The following ECE1 variants were observed in gnomAD, a reference collection of about 807,000 sequenced individuals.
ECE1 encodes endothelin-converting enzyme 1.
ECE1 carries 35 observed loss-of-function variants against 98.6 expected under a neutral mutation model. That is an observed-to-expected ratio of 0.35 (90% CI 0.27 to 0.47). The LOEUF (loss-of-function observed/expected upper bound fraction) is 0.47. Ranked by LOEUF, ECE1 falls within the 20% of genes least tolerant of loss-of-function variation. The pLI is 1.00. For missense variants in ECE1, 814 were observed against 1,025.3 expected (o/e 0.79, Z 2.81); for synonymous variants, 394 against 407.1 (o/e 0.97, Z 0.39).
intron 16 of ECE1, among the ~76,000 whole-genome samples, chr1:21,226,140 G>T (rs1283017918): frequency 1.3e-5 from 2 of 152,204 alleles, no homozygotes; most frequent in African/African-American, 4.8e-5. Flanking sequence ...AGTGCCCAAG[G>T]AAGGAGGCAA....
intron 1 of ECE1, among the ~76,000 whole-genome samples, chr1:21,336,797 C>T (rs969565119): frequency 2.0e-5 from 3 of 151,878 alleles, no homozygotes; most frequent in Non-Finnish European, 2.9e-5. Context: ...GAGCCGAGAT[C>T]GCGCCACTGC....
chr1:21,258,616 C>T lies in ECE1; in HGVS notation c.762+77G>A. 3 of 1,532,876 alleles carry T rather than the reference C, an allele frequency of 2.0e-6. No homozygotes were observed. Among genetic ancestry groups the T allele is most frequent in the Non-Finnish European group, 2.7e-6 (3 of 1,120,074 alleles). 95.0% of individuals were successfully genotyped at this position (1,532,876 alleles called of 1,614,324 possible). On this transcript the variant is annotated intron_variant, in intron 6 of 18. Coordinates refer to ENST00000374893, the MANE Select transcript of ECE1 (RefSeq NM_001397.3). The surrounding 1 kb of genome is among the most constrained non-coding windows in gnomAD (Gnocchi z 4.2). Reference sequence around the variant, plus strand: ...CCACCCAGGGCAAGCCCCTCTCCCACCCCAGGTCCTGCTAAACTCAAAACA... The same window carrying T: ...CCACCCAGGGCAAGCCCCTCTCCCATCCCAGGTCCTGCTAAACTCAAAACA...
intron 8 of ECE1, among the ~76,000 whole-genome samples, chr1:21,249,796 C>G (rs1268991299): frequency 6.6e-6 from 1 of 152,128 alleles, no homozygotes; most frequent in East Asian, 1.9e-4. Context: ...TGTTTTGAGA[C>G]ACAGTCTCAC....
intron 2 of ECE1, among the ~76,000 whole-genome samples, chr1:21,281,622 T>C (rs943711187): frequency 2.2e-4 from 34 of 152,186 alleles, no homozygotes; most frequent in African/African-American, 7.5e-4. Flanking sequence ...CTTCCTCCTT[T>C]AGGCTTCTCA....
intron 2 of ECE1, among the ~76,000 whole-genome samples, chr1:21,285,887 G>A (rs2098260002): frequency 6.6e-6 from 1 of 151,656 alleles, no homozygotes; most frequent in African/African-American, 2.4e-5. Flanking sequence ...AGCTACTGGG[G>A]AGGCTGAGGT....
intron 2 of ECE1, among the ~76,000 whole-genome samples, chr1:21,283,879 G>C (rs1490748775): frequency 1.3e-5 from 2 of 152,210 alleles, no homozygotes; most frequent in Non-Finnish European, 2.9e-5. Flanking sequence ...CCTTTGTCTT[G>C]TTCTTTGCTT....
intron 2 of ECE1, among the ~76,000 whole-genome samples, chr1:21,280,805 T>C (rs2098253571): frequency 6.6e-6 from 1 of 152,024 alleles, no homozygotes; most frequent in Non-Finnish European, 1.5e-5. Context: ...TGGTTAGGTA[T>C]TTACTGGGCA....
chr1:21,298,691 G>A (rs575239252), intron 1 of ECE1: 28 of 453,640 alleles, frequency 6.2e-5, no homozygotes, highest in Non-Finnish European at 9.8e-5. Flanking sequence ...GGAGTGCAGC[G>A]AGCATCAGTA....
At chr1:21,246,980 A>C (rs2098204568) in intron 9 of ECE1, among the ~76,000 whole-genome samples, 1 of 152,206 alleles carries the variant, frequency 6.6e-6, no homozygotes, top group Non-Finnish European at 1.5e-5. Flanking sequence ...TCACCATTTT[A>C]TGAAGGAGGA....
chr1:21,227,115 G>A (rs748647535), intron 16 of ECE1, 44 bp downstream of exon 16: 19 of 1,596,920 alleles, frequency 1.2e-5, no homozygotes, highest in East Asian at 2.2e-5. Context: ...CTTAAAGCAC[G>A]GAGATTACAG....
chr1:21,278,474 G>C (rs544203231), intron 3 of ECE1, among the ~76,000 whole-genome samples: 1 of 152,232 alleles, frequency 6.6e-6, no homozygotes, highest in Non-Finnish European at 1.5e-5. Context: ...GCTCTGGAGC[G>C]TACTTGGATT....
At chr1:21,283,915 C>T (rs2098257777) in intron 2 of ECE1, among the ~76,000 whole-genome samples, 1 of 152,202 alleles carries the variant, frequency 6.6e-6, no homozygotes, top group Non-Finnish European at 1.5e-5. Flanking sequence ...CTACGGGCCT[C>T]ATGGTTTCTG....
intron 14 of ECE1, among the ~76,000 whole-genome samples, chr1:21,231,824 G>A (rs929690402): frequency 6.6e-6 from 1 of 152,182 alleles, no homozygotes; most frequent in African/African-American, 2.4e-5. Flanking sequence ...ATGTTGCCCA[G>A]GCTGGTCTCA....
At chr1:21,304,175 G>A (rs1638546270) in intron 1 of ECE1, among the ~76,000 whole-genome samples, 1 of 151,500 alleles carries the variant, frequency 6.6e-6, no homozygotes, top group Non-Finnish European at 1.5e-5. Flanking sequence ...AATTAGCCAG[G>A]TGTGGTGGCG....
At chr1:21,285,689 CAA>C (rs11454934) in intron 2 of ECE1, among the ~76,000 whole-genome samples, 19 of 71,848 alleles carry the variant, frequency 2.6e-4, no homozygotes, top group Admixed American at 5.0e-4. Flanking sequence ...GACCCTGCCT[CAA>C]AAAAAAAAAA....
intron 4 of ECE1, 111 bp downstream of exon 4, chr1:21,272,588 G>A (rs1007274084): frequency 2.3e-5 from 31 of 1,334,436 alleles, no homozygotes; most frequent in South Asian, 1.5e-4. Flanking sequence ...CACCGTGCCC[G>A]GCCCATTCTG....
intron 8 of ECE1, among the ~76,000 whole-genome samples, chr1:21,247,892 T>C (rs28367996): frequency 7.2e-4 from 109 of 152,278 alleles, no homozygotes; most frequent in Non-Finnish European, 1.4e-3. Flanking sequence ...GTCTGAGAAG[T>C]GGGGATCACC....
chr1:21,316,443 A>G (rs778055084), intron 1 of ECE1, among the ~76,000 whole-genome samples: 1 of 128,086 alleles, frequency 7.8e-6, no homozygotes. Context: ...TAATTTTTGT[A>G]TTTTTTTTTT....
At chr1:21,315,704 GA>G (rs1447697089) in intron 1 of ECE1, among the ~76,000 whole-genome samples, 1 of 146,146 alleles carries the variant, frequency 6.8e-6, no homozygotes, top group Admixed American at 7.1e-5. Flanking sequence ...TGAGGTGTGA[GA>G]ATCACTTGAA....
Sources: allele counts gnomAD v4.1 joint callset (sites outside exome capture counted in the v4.1 genomes callset), GRCh38; gene constraint gnomAD v4.1.1; non-coding constraint Gnocchi (gnomAD v3.1); transcripts MANE v1.5; gene names NCBI Gene and HGNC (gene_info 2026-07-23, HGNC 2026-07-21).